The following UBAP2 variants were observed in gnomAD, a reference collection of about 807,000 sequenced individuals.
UBAP2 encodes the protein ubiquitin-associated protein 2.
UBAP2 carries 75 observed loss-of-function variants against 139.6 expected under a neutral mutation model. That is an observed-to-expected ratio of 0.54 (90% CI 0.45 to 0.65). UBAP2 has a LOEUF of 0.65. Among genes scored for constraint, UBAP2 ranks in the 30% least tolerant of loss-of-function variants. The pLI, the probability that UBAP2 is intolerant of heterozygous loss-of-function variation, is 0.00. For synonymous variants in UBAP2, 526 were observed against 526.2 expected, an observed-to-expected ratio of 1.00 and a Z score of 0.01; for missense variants, 1,368 against 1,369.6, an observed-to-expected ratio of 1.00 and a Z score of 0.02.
chr9:33,974,397 C>T (rs902488422), intron 6 of UBAP2, among the ~76,000 whole-genome samples: 6 of 152,046 alleles, frequency 3.9e-5, no homozygotes, highest in African/African-American at 1.4e-4. Context: ...GTCCCAACTA[C>T]TCGGAAGGCT....
chr9:34,033,759 A>C (rs1826085964), intron 1 of UBAP2, among the ~76,000 whole-genome samples: 1 of 150,796 alleles, frequency 6.6e-6, no homozygotes, highest in South Asian at 2.1e-4. Flanking sequence ...TTTTTTAAAC[A>C]GAGTTTCACT....
intron 1 of UBAP2, among the ~76,000 whole-genome samples, chr9:34,045,295 G>A (rs183621713): frequency 6.0e-5 from 9 of 150,284 alleles, no homozygotes; most frequent in Admixed American, 6.6e-5. Context: ...GAAGTGAGCC[G>A]AGATTGCACC....
intron 12 of UBAP2, among the ~76,000 whole-genome samples, chr9:33,950,443 T>C (rs1036037478): frequency 2.6e-5 from 4 of 152,166 alleles, no homozygotes; most frequent in Non-Finnish European, 5.9e-5. Context: ...GTTGAAACAA[T>C]TACTTCTATT....
intron 1 of UBAP2, among the ~76,000 whole-genome samples, chr9:34,027,459 G>A (rs1013033397): frequency 2.6e-5 from 4 of 152,102 alleles, no homozygotes; most frequent in Non-Finnish European, 5.9e-5. Flanking sequence ...GCTCATGCCT[G>A]TAACTCCAAC....
intron 9 of UBAP2, among the ~76,000 whole-genome samples, chr9:33,962,634 A>C (rs1827137748): frequency 6.8e-6 from 1 of 146,620 alleles, no homozygotes; most frequent in Non-Finnish European, 1.5e-5. Flanking sequence ...ACAGAGCAAG[A>C]CTCTATCTCA....
rs1564024178 is a variant in UBAP2 at position 33,944,371 on chromosome 9, A to G, written c.1539T>C (p.Ala513=). ...TTCATGATGAAATGCCCACCTTAGA[A>G]GCTGGGGGTATCCGCCGCTTAGCAA... is the stretch of plus-strand genomic sequence containing the variant. ...IKLAKRRIPP[A]SKIPASAVEM... Residue 513 remains alanine, a synonymous_variant, in exon 14 of 29, where the codon GCT becomes GCC. Transcript: ENST00000379238. 5 of 1,611,928 alleles carry G rather than the reference A, an allele frequency of 3.1e-6. No individual in the cohort carries two copies. The highest frequency in any genetic ancestry group is 4.2e-6 in the Non-Finnish European group (5 of 1,178,130).
chr9:33,932,313 C>G (rs1824052622), intron 19 of UBAP2, among the ~76,000 whole-genome samples: 1 of 152,170 alleles, frequency 6.6e-6, no homozygotes, highest in Admixed American at 6.5e-5. Flanking sequence ...CCACCTGACA[C>G]TCCTGCCAAT....
intron 6 of UBAP2, among the ~76,000 whole-genome samples, chr9:33,981,535 T>A (rs1352623304): frequency 2.7e-5 from 4 of 149,162 alleles, no homozygotes; most frequent in East Asian, 2.0e-4. Context: ...TTTTTTTTTT[T>A]AAACAAAAAA....
chr9:33,954,751 A>T (rs1826409761), intron 11 of UBAP2, among the ~76,000 whole-genome samples: 1 of 152,222 alleles, frequency 6.6e-6, no homozygotes, highest in African/African-American at 2.4e-5. Flanking sequence ...TGTGCATTTA[A>T]CAACAAACTC....
chr9:33,948,486 G>A lies in UBAP2; in HGVS notation c.1158C>T (p.Gly386=). The A allele has an allele frequency of 1.2e-6, 2 of 1,614,174 alleles. No homozygotes were observed. Among genetic ancestry groups the A allele is most frequent in the African/African-American group, 2.7e-5 (2 of 75,048 alleles). The change falls in exon 13 of 29, where the codon GGC becomes GGT. Residue 386 remains glycine, a synonymous_variant. Transcript: ENST00000379238. The part of the protein sequence containing the change: ...ILDQLKAPSL[G]QFTTTPSTQQ... ...GTGTACTTGGGGTGGTGGTAAACTG[G>A]CCCAAACTCGGAGCTTTCAACTGGT...
At chr9:33,944,917 C>G (rs1416792699) in intron 13 of UBAP2, among the ~76,000 whole-genome samples, 5 of 152,034 alleles carry the variant, frequency 3.3e-5, no homozygotes. Context: ...CACACCTGAC[C>G]ATTAGCTAAC....
rs903820193 is a variant in UBAP2 at position 34,000,893 on chromosome 9, T to C, written c.100-2029A>G. ...GTTTAACTGCTGCAATACTGCTACA[T>C]TATACCCAAAAAGACATTGGTACAG... On this transcript the variant is annotated intron_variant, in intron 2 of 28. Transcript: ENST00000379238. Among the ~76,000 whole-genome samples the C allele has an allele frequency of 2.0e-5, 3 of 152,240 alleles. No individual in the cohort carries two copies. The East Asian group carries it at 5.8e-4, about 29-fold the overall frequency.
Position 33,959,567 on chromosome 9 carries a change from G to T in UBAP2, c.798+1259C>A, listed in dbSNP as rs73477292. 3.4e-3 allele frequency among the ~76,000 whole-genome samples: 523 copies of T among 152,088 alleles called. 5 individuals are homozygous for T. Among genetic ancestry groups the T allele is most frequent in the African/African-American group, 0.012 (491 of 41,494 alleles). On this transcript the variant is annotated intron_variant, in intron 10 of 28. Transcript: ENST00000379238. ...AAGAGGTATAAAATTTTATGGTATT[G>T]GGTTATTTATCCCTTTTTTCTCTTT... is the stretch of plus-strand genomic sequence containing the variant.
At chr9:33,965,975 G>A (rs307669) in intron 8 of UBAP2, among the ~76,000 whole-genome samples, 48,441 of 151,286 alleles carry the variant, frequency 0.32, 8,363 homozygotes, top group African/African-American at 0.46. Context: ...GCGTGAACCC[G>A]GGAGGCAGAG....
At chr9:33,977,666 G>GT (rs901329097) in intron 6 of UBAP2, among the ~76,000 whole-genome samples, 2 of 151,032 alleles carry the variant, frequency 1.3e-5, no homozygotes, top group African/African-American at 4.9e-5. Flanking sequence ...ATTGTTCAAG[G>GT]TTTTTTTATT....
At chr9:34,028,746 TA>T (rs1825632711) in intron 1 of UBAP2, among the ~76,000 whole-genome samples, 1 of 151,912 alleles carries the variant, frequency 6.6e-6, no homozygotes, top group East Asian at 1.9e-4. Context: ...GAAAAGCATG[TA>T]ATTATTCATA....
intron 9 of UBAP2, among the ~76,000 whole-genome samples, chr9:33,962,147 G>A (rs761216729): frequency 6.6e-6 from 1 of 151,946 alleles, no homozygotes; most frequent in Non-Finnish European, 1.5e-5. Context: ...AAAATTTCCA[G>A]GAGAAAAACA....
At chr9:33,953,242 G>A (rs1239551082) in intron 12 of UBAP2, 43 bp downstream of exon 12, 2 of 1,528,406 alleles carry the variant, frequency 1.3e-6, no homozygotes, top group Admixed American at 1.9e-5. Flanking sequence ...TTTGCTAATG[G>A]GTATATTTCT....
At chr9:33,952,545 C>T (rs1021667390) in intron 12 of UBAP2, among the ~76,000 whole-genome samples, 2 of 152,204 alleles carry the variant, frequency 1.3e-5, no homozygotes, top group Non-Finnish European at 2.9e-5. Flanking sequence ...AAAATGTAAG[C>T]GCCTAGGCAG....
Sources: allele counts gnomAD v4.1 joint callset (sites outside exome capture counted in the v4.1 genomes callset), GRCh38; gene constraint gnomAD v4.1.1; transcripts MANE v1.5; gene names NCBI Gene and HGNC (gene_info 2026-07-23, HGNC 2026-07-21).